COQ8A: variants seen among roughly 807,000 people sequenced by gnomAD.
COQ8A encodes coenzyme Q8A, also known as atypical kinase COQ8A, mitochondrial.
In COQ8A, 51 loss-of-function variants were observed where a neutral mutation model predicts 65.0. That is an observed-to-expected ratio of 0.78 (90% confidence interval 0.63 to 0.99). COQ8A has a LOEUF of 0.99. COQ8A is among the 50% of genes least tolerant of loss of function. The probability of loss-of-function intolerance (pLI) is 0.00; values close to 1 mark genes in which losing one functional copy is unlikely to be tolerated. For missense variants in COQ8A, 940 were observed against 875.0 expected, an observed-to-expected ratio of 1.07 and a Z score of -0.94; for synonymous variants, 371 against 353.2, an observed-to-expected ratio of 1.05 and a Z score of -0.57.
chr1:226,953,737 A>G (rs1657524120), intron 1 of COQ8A, among the ~76,000 whole-genome samples: 1 of 152,164 alleles, frequency 6.6e-6, no homozygotes, highest in Admixed American at 6.5e-5. Flanking sequence ...ATATTTCAGG[A>G]CCTACTGACA....
chr1:226,966,672 C>T (rs1238147351), intron 4 of COQ8A, among the ~76,000 whole-genome samples: 1 of 152,150 alleles, frequency 6.6e-6, no homozygotes, highest in East Asian at 1.9e-4. Flanking sequence ...CATGGAGATG[C>T]ACTCTCATGG....
At chr1:226,982,568 C>T in intron 6 of COQ8A, 110 bp from the exon 7 acceptor site, 5 of 1,186,960 alleles carry the variant, frequency 4.2e-6, no homozygotes, top group Non-Finnish European at 6.2e-6. Context: ...CACCCGTGCT[C>T]CTGGTGGGGA....
rs41303131 is a variant in COQ8A at position 226,986,421 on chromosome 1, C to G, written c.1660-32C>G. The G allele has an allele frequency of 0.25, 405,276 of 1,606,490 alleles. 56,291 individuals are homozygous for G. The highest frequency in any genetic ancestry group is 0.29 in the Non-Finnish European group (342,144 of 1,178,242). On this transcript the variant is annotated intron_variant, in intron 14 of 14. Coordinates refer to ENST00000366777, the MANE Select transcript of COQ8A (RefSeq NM_020247.5). Reference sequence around the variant, plus strand: ...GGGCTGGTGGAGGGCTCTGGTGTCTCGCCGCCATTTATCCTTCCTCTCTTG... The same window carrying G: ...GGGCTGGTGGAGGGCTCTGGTGTCTGGCCGCCATTTATCCTTCCTCTCTTG...
intron 1 of COQ8A, among the ~76,000 whole-genome samples, chr1:226,955,440 C>G: frequency 6.7e-6 from 1 of 148,748 alleles, no homozygotes; most frequent in South Asian, 2.2e-4. Flanking sequence ...CTGGTTCACA[C>G]TCTCCTTGGC....
chr1:226,982,242 A>T, intron 6 of COQ8A, 93 bp downstream of exon 6: 3 of 1,500,358 alleles, frequency 2.0e-6, no homozygotes, highest in Non-Finnish European at 2.7e-6. Context: ...ACCAAAGCTC[A>T]GTGGGCAAGA....
intron 1 of COQ8A, among the ~76,000 whole-genome samples, chr1:226,941,256 C>G (rs1222486838): frequency 1.3e-5 from 2 of 152,230 alleles, no homozygotes; most frequent in Non-Finnish European, 2.9e-5. Context: ...TGCACGTTCA[C>G]TTGGGCCTTG....
intron 13 of COQ8A, 107 bp downstream of exon 13, chr1:226,985,048 C>A: frequency 1.4e-6 from 2 of 1,426,484 alleles, no homozygotes; most frequent in East Asian, 2.3e-5. Flanking sequence ...CCTTGTGTCC[C>A]CATCTGCGCT....
intron 1 of COQ8A, among the ~76,000 whole-genome samples, chr1:226,957,760 C>T (rs571420071): frequency 3.3e-5 from 5 of 152,226 alleles, no homozygotes; most frequent in African/African-American, 9.6e-5. Flanking sequence ...TGTATCTGGC[C>T]GGTTAGACAG....
rs558847029 is a variant in COQ8A at position 226,983,279 on chromosome 1, C to T, written c.1080+245C>T. The T allele has an allele frequency of 4.4e-6, 3 of 681,694 alleles. No homozygotes were observed. In the East Asian group the frequency reaches 8.2e-5, roughly 19 times the overall value. The allele number at this position is 681,694 out of a possible 1,614,324, so 42.2% of individuals were successfully genotyped here. On this transcript the variant is annotated intron_variant, in intron 8 of 14. Coordinates refer to ENST00000366777, the MANE Select transcript of COQ8A (RefSeq NM_020247.5). ...AAGCTTGATTTGGGGTGGGCAAGGACAGGGGACAAGTGATTGCTTTTTGGG... is the reference window on the plus strand; with the variant it reads ...AAGCTTGATTTGGGGTGGGCAAGGATAGGGGACAAGTGATTGCTTTTTGGG...
chr1:226,944,767 GA>G (rs1156761735), intron 1 of COQ8A, among the ~76,000 whole-genome samples: 1 of 112,788 alleles, frequency 8.9e-6, no homozygotes, highest in Non-Finnish European at 1.8e-5. Flanking sequence ...GAGAGAGTGA[GA>G]GAGAGAGAGT....
chr1:226,950,861 C>G (rs1441724189), intron 1 of COQ8A, among the ~76,000 whole-genome samples: 6 of 152,130 alleles, frequency 3.9e-5, no homozygotes, highest in African/African-American at 1.4e-4. Context: ...TTAAACAGTT[C>G]AAAGAAAAAC....
At chr1:226,979,782 TGGAA>T (rs1173151060) in intron 5 of COQ8A, among the ~76,000 whole-genome samples, 3 of 152,156 alleles carry the variant, frequency 2.0e-5, no homozygotes, top group African/African-American at 7.2e-5. Flanking sequence ...TGCACGTCCT[TGGAA>T]GGGGCTGAGG....
At chr1:226,965,941 C>G (rs2148064829) in intron 4 of COQ8A, among the ~76,000 whole-genome samples, 1 of 152,352 alleles carries the variant, frequency 6.6e-6, no homozygotes, top group South Asian at 2.1e-4. Context: ...CTCTGCCTGG[C>G]TCTCCCCTGC....
rs867452437 is a variant in COQ8A at position 226,982,930 on chromosome 1, G to C, written c.976G>C (p.Asp326His). The C allele has an allele frequency of 6.2e-7, 1 of 1,612,184 alleles. No homozygotes were observed. The highest frequency in any genetic ancestry group is 8.5e-7 in the Non-Finnish European group (1 of 1,179,580). ...CAACGACCTGGGCCCCAACTGGCGG[G>C]ACAAGTTGGAATACTTCGAGGAGCG... ...LNNDLGPNWR[D>H]KLEYFEERPF... The change falls in exon 8 of 15, where the codon GAC becomes CAC. Residue 326 changes from aspartate (D) to histidine (H), a missense_variant. Asp to His is a moderately conservative substitution (Grantham distance 81). Coordinates refer to ENST00000366777, the MANE Select transcript of COQ8A (RefSeq NM_020247.5).
intron 1 of COQ8A, among the ~76,000 whole-genome samples, chr1:226,941,274 G>T (rs1330046995): frequency 6.6e-6 from 1 of 152,210 alleles, no homozygotes; most frequent in Admixed American, 6.5e-5. Flanking sequence ...TTGGATCTAC[G>T]TGACAGGATT....
intron 1 of COQ8A, among the ~76,000 whole-genome samples, chr1:226,941,647 C>T (rs1046259040): frequency 4.0e-5 from 6 of 151,014 alleles, no homozygotes; most frequent in African/African-American, 1.2e-4. Flanking sequence ...TGGTGGCGGG[C>T]GCCTATAATC....
chr1:226,984,716 T>C, intron 12 of COQ8A, 61 bp downstream of exon 12: 1 of 1,541,850 alleles, frequency 6.5e-7, no homozygotes, highest in Non-Finnish European at 9.0e-7. Flanking sequence ...ATGGGGCACG[T>C]GAGGCCCTGG....
At chr1:226,955,419 T>C (rs2148025859) in intron 1 of COQ8A, among the ~76,000 whole-genome samples, 1 of 142,484 alleles carries the variant, frequency 7.0e-6, no homozygotes, top group East Asian at 2.3e-4. Context: ...TCTCCCTGGC[T>C]GCCACTCTCC....
At chr1:226,948,842 C>T (rs775055996) in intron 1 of COQ8A, among the ~76,000 whole-genome samples, 5 of 152,102 alleles carry the variant, frequency 3.3e-5, no homozygotes, top group South Asian at 4.1e-4. Context: ...GTCAGGAGAA[C>T]GTAAATATGG....
Sources: gnomAD v4.1 joint callset for allele counts (sites outside exome capture counted in the v4.1 genomes callset) on GRCh38, gnomAD v4.1.1 for gene constraint, MANE v1.5 for transcripts, NCBI Gene and HGNC (gene_info 2026-07-23, HGNC 2026-07-21) for gene names.